RTL4: variants seen among roughly 807,000 people sequenced by gnomAD.
The protein encoded by RTL4 is retrotransposon Gag-like protein 4.
Under a neutral mutation model 5.3 loss-of-function variants are expected in RTL4, and 4 were observed. That is an observed-to-expected ratio of 0.75 (90% CI 0.37 to 1.72). The LOEUF is 1.72. Among genes scored for constraint, RTL4 ranks in the 40% most tolerant of loss-of-function variants. The pLI is 0.04. For missense variants in RTL4, 260 were observed against 227.1 expected, an observed-to-expected ratio of 1.14 and a Z score of -0.93; for synonymous variants, 98 against 87.3, an observed-to-expected ratio of 1.12 and a Z score of -0.68.
chrX:112,099,627 A>G, the RTL4 span, among the ~76,000 whole-genome samples: 17 of 111,316 alleles, frequency 1.5e-4, no homozygotes, highest in Admixed American at 1.5e-3. Flanking sequence ...TAGGAGAGAG[A>G]GTGTGTCCGA....
the RTL4 span, among the ~76,000 whole-genome samples, chrX:112,118,712 C>T: frequency 9.0e-6 from 1 of 111,238 alleles, no homozygotes; most frequent in African/African-American, 3.3e-5. Flanking sequence ...AAAATATGCA[C>T]ATATTTATGA....
chrX:112,450,523 T>A (rs185876480), upstream of RTL4, among the ~76,000 whole-genome samples: 505 of 111,436 alleles, frequency 4.5e-3, 2 homozygotes, highest in African/African-American at 0.015. Context: ...CAATACAATA[T>A]AAGGCCACTG....
the RTL4 span, among the ~76,000 whole-genome samples, chrX:112,405,993 TAACTC>T: frequency 1.8e-5 from 2 of 110,680 alleles, no homozygotes; most frequent in African/African-American, 6.6e-5. Context: ...AAACCATACT[TAACTC>T]AGCTGACCCT....
chrX:112,099,875 G>A, the RTL4 span, among the ~76,000 whole-genome samples: 3 of 111,513 alleles, frequency 2.7e-5, no homozygotes, highest in African/African-American at 9.8e-5. Context: ...GAAAATTTGC[G>A]ATACATATTT....
the RTL4 span, among the ~76,000 whole-genome samples, chrX:112,225,420 C>T: frequency 8.9e-6 from 1 of 111,850 alleles, no homozygotes; most frequent in Non-Finnish European, 1.9e-5. Context: ...TTCTTTATAA[C>T]CCAAGTTTTT....
the RTL4 span, among the ~76,000 whole-genome samples, chrX:112,391,249 G>T: frequency 2.7e-5 from 3 of 111,351 alleles, no homozygotes; most frequent in Admixed American, 2.9e-4. Context: ...CTTGGATTGG[G>T]TGTTGCCATT....
chrX:112,425,774 T>C, the RTL4 span, among the ~76,000 whole-genome samples: 13 of 111,703 alleles, frequency 1.2e-4, no homozygotes, highest in Non-Finnish European at 2.5e-4. Context: ...TTTAATCAGG[T>C]TTTTAAAAAT....
the RTL4 span, among the ~76,000 whole-genome samples, chrX:112,164,990 G>T: frequency 8.9e-6 from 1 of 111,832 alleles, no homozygotes. Flanking sequence ...TTAGCAGGCC[G>T]CATTCATTCC....
At chrX:112,428,800 C>A in the RTL4 span, among the ~76,000 whole-genome samples, 1 of 111,508 alleles carries the variant, frequency 9.0e-6, no homozygotes, top group Non-Finnish European at 1.9e-5. Flanking sequence ...TCTTGCAATT[C>A]TATCAGTTTT....
At chrX:112,208,863 G>T in the RTL4 span, among the ~76,000 whole-genome samples, 1 of 112,420 alleles carries the variant, frequency 8.9e-6, no homozygotes, top group Non-Finnish European at 1.9e-5. Context: ...AAGCTCCAAT[G>T]TGGTATCACA....
the RTL4 span, among the ~76,000 whole-genome samples, chrX:112,143,342 G>A: frequency 2.7e-5 from 3 of 110,601 alleles, no homozygotes; most frequent in African/African-American, 9.9e-5. Context: ...AAATAAGTAG[G>A]TCTCAAGTAA....
At chrX:112,346,635 T>C in the RTL4 span, among the ~76,000 whole-genome samples, 1 of 111,104 alleles carries the variant, frequency 9.0e-6, no homozygotes, top group Non-Finnish European at 1.9e-5. Context: ...AGATACCATT[T>C]GGCAATCACA....
chrX:112,110,522 C>T, the RTL4 span, among the ~76,000 whole-genome samples: 1 of 111,451 alleles, frequency 9.0e-6, no homozygotes, highest in African/African-American at 3.3e-5. Flanking sequence ...CTGATTACCA[C>T]AAGATTAGAA....
chrX:112,377,001 G>C, the RTL4 span, among the ~76,000 whole-genome samples: 2 of 112,088 alleles, frequency 1.8e-5, no homozygotes, highest in Non-Finnish European at 3.8e-5. Context: ...CAAGTATTTT[G>C]AAGGCATTAG....
chrX:112,334,240 G>A, the RTL4 span, among the ~76,000 whole-genome samples: 1 of 111,938 alleles, frequency 8.9e-6, no homozygotes, highest in African/African-American at 3.2e-5. Flanking sequence ...CTTAGCTACT[G>A]TAAACAGTGC....
chrX:112,365,015 T>C, the RTL4 span, among the ~76,000 whole-genome samples: 1 of 111,230 alleles, frequency 9.0e-6, no homozygotes, highest in African/African-American at 3.3e-5. Context: ...TTGCAATCAG[T>C]GTAATAGAAT....
At chrX:112,236,443 C>A in the RTL4 span, among the ~76,000 whole-genome samples, 1 of 73,292 alleles carries the variant, frequency 1.4e-5, no homozygotes, top group Non-Finnish European at 2.4e-5. Flanking sequence ...AGATCTATAT[C>A]TATATATAGA....
At chrX:112,196,384 T>G in the RTL4 span, among the ~76,000 whole-genome samples, 7 of 111,952 alleles carry the variant, frequency 6.3e-5, no homozygotes, top group African/African-American at 2.3e-4. Flanking sequence ...ACCATTTACC[T>G]GTTGAAGGGA....
the RTL4 span, among the ~76,000 whole-genome samples, chrX:112,239,881 T>A: frequency 3.1e-4 from 35 of 111,857 alleles, no homozygotes; most frequent in Non-Finnish European, 5.4e-4. Flanking sequence ...TCCAGAATCT[T>A]ACAGGATAAT....
Sources: gnomAD v4.1 joint callset for allele counts (sites outside exome capture counted in the v4.1 genomes callset) on GRCh38, gnomAD v4.1.1 for gene constraint, MANE v1.5 for transcripts, NCBI Gene and HGNC (gene_info 2026-07-23, HGNC 2026-07-21) for gene names.